The following XKR6 variants were observed in gnomAD, a reference collection of about 807,000 sequenced individuals.
XKR6 encodes XK-related protein 6.
In XKR6, 22 loss-of-function variants were observed where a neutral mutation model predicts 56.7. The ratio of observed to expected loss-of-function variants is 0.39; its 90% CI spans 0.28 to 0.55. The LOEUF is 0.55. Ranked by LOEUF, XKR6 falls within the 20% of genes least tolerant of loss-of-function variation. The pLI, the probability that XKR6 is intolerant of heterozygous loss-of-function variation, is 0.66. For missense variants in XKR6, 852 were observed against 889.0 expected, an observed-to-expected ratio of 0.96 and a Z score of 0.53; for synonymous variants, 524 against 387.8, an observed-to-expected ratio of 1.35 and a Z score of -4.13.
chr8:10,970,848 G>A (rs1160081560), intron 1 of XKR6, among the ~76,000 whole-genome samples: 2 of 148,878 alleles, frequency 1.3e-5, no homozygotes, highest in East Asian at 2.0e-4. Context: ...CAAAATTTCA[G>A]CCAGACATTG....
intron 1 of XKR6, among the ~76,000 whole-genome samples, chr8:11,155,472 G>C (rs1801477826): frequency 6.6e-6 from 1 of 152,194 alleles, no homozygotes; most frequent in African/African-American, 2.4e-5. Context: ...CACAACAGTT[G>C]TGCATTATCT....
chr8:10,950,849 CA>C (rs1474327633), intron 1 of XKR6, among the ~76,000 whole-genome samples: 1 of 152,146 alleles, frequency 6.6e-6, no homozygotes, highest in Non-Finnish European at 1.5e-5. Context: ...TCTCAGATGC[CA>C]TCCTATCAAA....
In XKR6 at chr8:10,976,142, C is replaced by G. The variant is rs373956102; in HGVS notation, c.765-51312G>C. The stretch of plus-strand genomic sequence containing the variant: ...AGTGAGCCGAGATCGTGCCACTGCA[C>G]TCCAGCCTGGGTGACAGAGCAAGAC... On this transcript the variant is annotated intron_variant, in intron 1 of 2. Coordinates refer to ENST00000416569, the MANE Select transcript of XKR6 (RefSeq NM_173683.4). Among the ~76,000 whole-genome samples, 195 of 152,098 alleles carry G rather than the reference C, an allele frequency of 1.3e-3. 2 individuals are homozygous for G. Among genetic ancestry groups the G allele is most frequent in the South Asian group, 4.2e-3 (20 of 4,810 alleles).
intron 1 of XKR6, chr8:11,123,249 A>G (rs1311441721): frequency 1.3e-5 from 2 of 151,364 alleles, no homozygotes. Flanking sequence ...GAAAAAAAAA[A>G]AAAAAAGCCC....
intron 1 of XKR6, among the ~76,000 whole-genome samples, chr8:11,127,869 G>A (rs533437209): frequency 3.9e-5 from 6 of 152,272 alleles, no homozygotes; most frequent in East Asian, 3.9e-4. Context: ...CTGATTTGAC[G>A]TTAACCAGTT....
At chr8:11,195,791 G>T (rs912057475) in intron 1 of XKR6, among the ~76,000 whole-genome samples, 5 of 151,758 alleles carry the variant, frequency 3.3e-5, no homozygotes, top group African/African-American at 9.7e-5. Context: ...TGGGACTACA[G>T]GCGCCCGCCA....
At chr8:11,144,126 C>A (rs1158107796) in intron 1 of XKR6, among the ~76,000 whole-genome samples, 1 of 151,930 alleles carries the variant, frequency 6.6e-6, no homozygotes, top group Non-Finnish European at 1.5e-5. Context: ...GGGGTCAGGG[C>A]TTCACATATG....
At chr8:11,008,268 T>A (rs1205911677) in intron 1 of XKR6, among the ~76,000 whole-genome samples, 1 of 152,074 alleles carries the variant, frequency 6.6e-6, no homozygotes, top group Non-Finnish European at 1.5e-5. Context: ...TCCAACATGA[T>A]GCAAAAAGGC....
chr8:11,107,306 C>T (rs1798715445), intron 1 of XKR6, among the ~76,000 whole-genome samples: 1 of 151,932 alleles, frequency 6.6e-6, no homozygotes, highest in Admixed American at 6.6e-5. Flanking sequence ...CTCAAGAGAT[C>T]CTCCTGCCTC....
intron 1 of XKR6, among the ~76,000 whole-genome samples, chr8:11,002,718 C>A (rs962811252): frequency 1.3e-5 from 2 of 152,226 alleles, no homozygotes; most frequent in African/African-American, 2.4e-5. Context: ...CGGCCCCAAG[C>A]ATTGTCTTCT....
At chr8:11,056,989 C>T (rs1293871925) in intron 1 of XKR6, among the ~76,000 whole-genome samples, 6 of 152,222 alleles carry the variant, frequency 3.9e-5, no homozygotes, top group African/African-American at 1.2e-4. Context: ...CACCAGCCCA[C>T]GTCTGACGCC....
At chr8:10,908,438 T>G (rs913214809) in intron 2 of XKR6, among the ~76,000 whole-genome samples, 2 of 152,038 alleles carry the variant, frequency 1.3e-5, no homozygotes, top group Non-Finnish European at 2.9e-5. Flanking sequence ...CCCAGGAATC[T>G]CTGCCTCCAA....
intron 1 of XKR6, among the ~76,000 whole-genome samples, chr8:11,059,157 G>T (rs1011464941): frequency 6.6e-6 from 1 of 152,230 alleles, no homozygotes; most frequent in Non-Finnish European, 1.5e-5. Context: ...CATCCACGGC[G>T]TGGCGGCCAG....
At chr8:11,062,902 T>G (rs1385169490) in intron 1 of XKR6, 1 of 454,946 alleles carries the variant, frequency 2.2e-6, no homozygotes, top group Non-Finnish European at 4.4e-6. Context: ...GTACTGAAAT[T>G]CCCCCACAGG....
intron 1 of XKR6, among the ~76,000 whole-genome samples, chr8:10,984,646 C>G (rs1050436337): frequency 1.8e-4 from 27 of 145,958 alleles, no homozygotes; most frequent in African/African-American, 6.6e-4. Context: ...ATCAGCTTTC[C>G]AAATGAAAAC....
chr8:11,037,880 A>T (rs1799185929), intron 1 of XKR6, among the ~76,000 whole-genome samples: 1 of 150,096 alleles, frequency 6.7e-6, no homozygotes, highest in Non-Finnish European at 1.5e-5. Context: ...AAAAAAAATT[A>T]GCCGGGTGTG....
In XKR6 at chr8:10,897,651, C is replaced by T. The variant is rs998855603; in HGVS notation, c.*301G>A. ...TCCTTCTCCACCCTATGAACCATAG[C>T]GTGGGATTTTTCAATACTGTTTCTT... On this transcript the variant is annotated 3_prime_UTR_variant, in exon 3 of 3. Transcript: ENST00000416569. 3.8e-5 allele frequency: 10 copies of T among 260,700 alleles called. No homozygotes were observed. Among genetic ancestry groups the T allele is most frequent in the Non-Finnish European group, 5.8e-5 (8 of 138,710 alleles). The allele number at this position is 260,700 out of a possible 1,614,324, so 16.1% of individuals were successfully genotyped here. A position where few individuals can be genotyped will look rare whatever the true frequency, so the allele number is the denominator to read the frequency against.
At position 10,903,157 on chromosome 8, in the gene XKR6, G is replaced by A. The variant is rs73209954; in HGVS notation, c.962-4241C>T. On this transcript the variant is annotated intron_variant, in intron 2 of 2. Transcript: ENST00000416569. Reference sequence around the variant, plus strand: ...AGCCTGCCCCCCAGGAACTCATCTGGACCTGTCTGTGACATTGTCTACGTC... The same window carrying A: ...AGCCTGCCCCCCAGGAACTCATCTGAACCTGTCTGTGACATTGTCTACGTC... Among the ~76,000 whole-genome samples, 3 of 152,142 alleles carry A rather than the reference G, an allele frequency of 2.0e-5. No homozygotes were observed. The East Asian group carries it at 5.8e-4, about 29-fold the overall frequency.
intron 1 of XKR6, among the ~76,000 whole-genome samples, chr8:11,119,594 T>A (rs1178665104): frequency 6.6e-6 from 1 of 152,240 alleles, no homozygotes; most frequent in Non-Finnish European, 1.5e-5. Context: ...TTTGTTGGTT[T>A]AAAGTCTGTT....
Sources: gnomAD v4.1 joint callset for allele counts (sites outside exome capture counted in the v4.1 genomes callset) on GRCh38, gnomAD v4.1.1 for gene constraint, MANE v1.5 for transcripts, NCBI Gene and HGNC (gene_info 2026-07-23, HGNC 2026-07-21) for gene names.